The following LRRC37A2 variants were observed in gnomAD, a reference collection of about 807,000 sequenced individuals.
The protein encoded by LRRC37A2 is leucine rich repeat containing 37 member A2, also known as leucine-rich repeat-containing protein 37A2.
A neutral mutation model predicts 68.8 loss-of-function variants in LRRC37A2; 9 were observed. The ratio of observed to expected loss-of-function variants is 0.13; its 90% CI spans 0.08 to 0.23. The LOEUF (loss-of-function observed/expected upper bound fraction) is 0.23, where lower values mean the gene tolerates loss of function less well. LRRC37A2 is among the 10% of genes least tolerant of loss of function. LRRC37A2 has a pLI of 1.00. For missense variants in LRRC37A2, 168 were observed against 950.4 expected (o/e 0.18, Z 10.82); for synonymous variants, 63 against 367.6 (o/e 0.17, Z 9.48).
chr17:46,766,704 T>C, the LRRC37A2 span, among the ~76,000 whole-genome samples: 6 of 152,232 alleles, frequency 3.9e-5, no homozygotes, highest in East Asian at 9.7e-4. Context: ...GTACCTCCCA[T>C]ATCTCAGAGA....
At chr17:46,529,588 G>T (rs576095457) in intron 6 of LRRC37A2, among the ~76,000 whole-genome samples, 1 of 75,402 alleles carries the variant, frequency 1.3e-5, no homozygotes, top group East Asian at 2.6e-4. Context: ...CAGGCAGATC[G>T]CTTGAGCCCC....
At chr17:47,006,180 AT>A in the LRRC37A2 span, among the ~76,000 whole-genome samples, 18 of 151,958 alleles carry the variant, frequency 1.2e-4, no homozygotes, top group Admixed American at 2.6e-4. Context: ...CGGAAAAAAA[AT>A]TTTTTTTTCC....
chr17:46,864,412 C>T, the LRRC37A2 span, among the ~76,000 whole-genome samples: 3 of 152,196 alleles, frequency 2.0e-5, no homozygotes, highest in African/African-American at 7.2e-5. Context: ...AGTATGTTCT[C>T]AAGCACTGGT....
the LRRC37A2 span, chr17:46,769,934 T>C: frequency 6.2e-7 from 1 of 1,613,388 alleles, no homozygotes; most frequent in Non-Finnish European, 8.5e-7. Context: ...AGGCGGCCCC[T>C]TATGATGCGA....
chr17:46,932,350 C>T, the LRRC37A2 span: 4 of 833,406 alleles, frequency 4.8e-6, no homozygotes, highest in Non-Finnish European at 7.9e-6. Context: ...TGTGCATTGC[C>T]ACAGAGACTA....
the LRRC37A2 span, among the ~76,000 whole-genome samples, chr17:46,784,573 C>A: frequency 6.6e-6 from 1 of 152,108 alleles, no homozygotes; most frequent in African/African-American, 2.4e-5. Flanking sequence ...AGCTTCAGGG[C>A]CTGAACCTCA....
At chr17:46,876,497 G>A in the LRRC37A2 span, 3 of 1,613,646 alleles carry the variant, frequency 1.9e-6, no homozygotes, top group Non-Finnish European at 2.5e-6. Flanking sequence ...GGTGTACATG[G>A]AGGACTCACC....
At chr17:46,789,770 A>G in the LRRC37A2 span, among the ~76,000 whole-genome samples, 1 of 152,204 alleles carries the variant, frequency 6.6e-6, no homozygotes, top group African/African-American at 2.4e-5. Context: ...TTGGACCTCC[A>G]GCTGGGCCTG....
chr17:46,404,974 G>A, the LRRC37A2 span, among the ~76,000 whole-genome samples: 21 of 98,118 alleles, frequency 2.1e-4, 4 homozygotes, highest in African/African-American at 5.8e-4. Context: ...AGGCCGAGGC[G>A]GGCGGATTGC....
At chr17:46,829,859 G>T in the LRRC37A2 span, among the ~76,000 whole-genome samples, 2 of 152,136 alleles carry the variant, frequency 1.3e-5, no homozygotes, top group Admixed American at 6.5e-5. Flanking sequence ...GCTCCCTGCT[G>T]CTGAGCTGTG....
chr17:46,768,382 A>G, the LRRC37A2 span: 1 of 1,613,780 alleles, frequency 6.2e-7, no homozygotes, highest in Non-Finnish European at 8.5e-7. The surrounding 1 kb of genome is among the most constrained non-coding windows in gnomAD (Gnocchi z 5.0). Flanking sequence ...TAGCAGCACC[A>G]GTGGAAGATG....
chr17:46,936,325 G>A, the LRRC37A2 span: 4 of 985,420 alleles, frequency 4.1e-6, no homozygotes, highest in Non-Finnish European at 4.8e-6. Flanking sequence ...GTGGGGGTTA[G>A]AGCGTCCTGT....
chr17:46,879,693 A>C, the LRRC37A2 span, among the ~76,000 whole-genome samples: 1 of 152,268 alleles, frequency 6.6e-6, no homozygotes, highest in Non-Finnish European at 1.5e-5. Context: ...ACATCTCCAT[A>C]GACCAGGCAC....
chr17:47,015,006 CTTTTTT>C, the LRRC37A2 span, among the ~76,000 whole-genome samples: 2 of 106,144 alleles, frequency 1.9e-5, no homozygotes, highest in South Asian at 3.1e-4. Flanking sequence ...CCATTTTTAT[CTTTTTT>C]TTTTTTTTTT....
chr17:46,938,252 CAAATT>C, the LRRC37A2 span, among the ~76,000 whole-genome samples: 1 of 152,134 alleles, frequency 6.6e-6, no homozygotes, highest in Non-Finnish European at 1.5e-5. Flanking sequence ...TGAACCATCT[CAAATT>C]AATTTTTATG....
chr17:46,774,690 C>T, the LRRC37A2 span, among the ~76,000 whole-genome samples: 1 of 152,198 alleles, frequency 6.6e-6, no homozygotes, highest in African/African-American at 2.4e-5. Flanking sequence ...TAATCAATAT[C>T]CCATCAACTC....
At chr17:46,940,748 C>T in the LRRC37A2 span, 5 of 1,569,050 alleles carry the variant, frequency 3.2e-6, no homozygotes, top group Non-Finnish European at 4.3e-6. Flanking sequence ...CCTCATGCTG[C>T]ACCTTCAGAG....
the LRRC37A2 span, among the ~76,000 whole-genome samples, chr17:46,734,023 C>T: frequency 6.6e-6 from 1 of 152,318 alleles, no homozygotes; most frequent in African/African-American, 2.4e-5. Flanking sequence ...CTTGTTTCTG[C>T]ATGAGTTTTG....
the LRRC37A2 span, among the ~76,000 whole-genome samples, chr17:46,585,294 G>C: frequency 2.1e-5 from 3 of 139,884 alleles, no homozygotes; most frequent in South Asian, 2.5e-4. Context: ...CTCCAGCCTG[G>C]GCAACAGAGC....
Sources: gnomAD v4.1 joint callset for allele counts (sites outside exome capture counted in the v4.1 genomes callset) on GRCh38, gnomAD v4.1.1 for gene constraint, Gnocchi (gnomAD v3.1) non-coding constraint, MANE v1.5 for transcripts, NCBI Gene and HGNC (gene_info 2026-07-23, HGNC 2026-07-21) for gene names.